Variants in SORCS2 observed in about 807,000 individuals in gnomAD.
The protein encoded by SORCS2 is sortilin related VPS10 domain containing receptor 2, also known as VPS10 domain-containing receptor SorCS2.
A neutral mutation model predicts 141.6 loss-of-function variants in SORCS2; 100 were observed. The ratio of observed to expected loss-of-function variants is 0.71; its 90% CI spans 0.60 to 0.83. The LOEUF (loss-of-function observed/expected upper bound fraction) is 0.83. Ranked by LOEUF, SORCS2 falls within the 40% of genes least tolerant of loss-of-function variation. The pLI, the probability that SORCS2 is intolerant of heterozygous loss-of-function variation, is 0.00. For missense variants in SORCS2, 1,646 were observed against 1,560.2 expected, an observed-to-expected ratio of 1.05 and a Z score of -0.93; for synonymous variants, 789 against 676.9, an observed-to-expected ratio of 1.17 and a Z score of -2.57.
intron 4 of SORCS2, among the ~76,000 whole-genome samples, chr4:7,640,922 G>C (rs1301458513): frequency 6.6e-6 from 1 of 152,108 alleles, no homozygotes; most frequent in East Asian, 1.9e-4. Flanking sequence ...TCAGAGGCTA[G>C]AGGAAAGAGG....
intron 1 of SORCS2, among the ~76,000 whole-genome samples, chr4:7,334,517 G>A (rs933321890): frequency 6.6e-6 from 1 of 152,188 alleles, no homozygotes; most frequent in Non-Finnish European, 1.5e-5. Flanking sequence ...ACACCTGGGG[G>A]GTGCTCAGTG....
chr4:7,707,181 G>A (rs572356759), intron 14 of SORCS2, among the ~76,000 whole-genome samples: 100 of 152,288 alleles, frequency 6.6e-4, no homozygotes, highest in Middle Eastern at 3.4e-3. Flanking sequence ...TCCAATGCAC[G>A]TTTATTGAGC....
chr4:7,345,742 C>A (rs1720616229), intron 1 of SORCS2, among the ~76,000 whole-genome samples: 1 of 152,228 alleles, frequency 6.6e-6, no homozygotes, highest in Non-Finnish European at 1.5e-5. Context: ...ATCAGCGAAG[C>A]TCAAAAGATC....
chr4:7,496,896 G>T (rs146418780), intron 2 of SORCS2, among the ~76,000 whole-genome samples: 2 of 152,192 alleles, frequency 1.3e-5, no homozygotes, highest in Non-Finnish European at 2.9e-5. Flanking sequence ...TTCTCCAGGC[G>T]AGGCCAGGTG....
chr4:7,256,017 G>C (rs1713850134), intron 1 of SORCS2, among the ~76,000 whole-genome samples: 1 of 152,054 alleles, frequency 6.6e-6, no homozygotes, highest in African/African-American at 2.4e-5. Flanking sequence ...TGGAGTGTGG[G>C]GTCCTAGGTC....
chr4:7,501,034 G>A (rs1430896979), intron 2 of SORCS2, among the ~76,000 whole-genome samples: 6 of 152,286 alleles, frequency 3.9e-5, no homozygotes, highest in Admixed American at 6.5e-5. Context: ...GTAGCATCTC[G>A]CACAGGTGAT....
At chr4:7,575,897 T>A (rs1202519280) in intron 3 of SORCS2, among the ~76,000 whole-genome samples, 1 of 152,240 alleles carries the variant, frequency 6.6e-6, no homozygotes, top group Non-Finnish European at 1.5e-5. Context: ...AATTATCTGT[T>A]GTTTCTGTTT....
At chr4:7,726,043 C>A (rs1023783519) in intron 20 of SORCS2, among the ~76,000 whole-genome samples, 3 of 152,272 alleles carry the variant, frequency 2.0e-5, no homozygotes, top group Non-Finnish European at 4.4e-5. Flanking sequence ...TCCACATCCA[C>A]ACCCATGGGG....
intron 2 of SORCS2, among the ~76,000 whole-genome samples, chr4:7,426,691 A>G (rs1194526624): frequency 2.0e-5 from 3 of 152,112 alleles, no homozygotes; most frequent in African/African-American, 7.2e-5. Flanking sequence ...TCCCTGGACA[A>G]ACCCCACAAG....
rs568388227 is a variant in SORCS2 at position 7,394,413 on chromosome 4, G to C, written c.481-1875G>C. Among the ~76,000 whole-genome samples the C allele has an allele frequency of 1.1e-3, 159 of 149,888 alleles. 1 individual carries two copies. Among genetic ancestry groups the C allele is most frequent in the African/African-American group, 3.7e-3 (152 of 40,720 alleles). On this transcript the variant is annotated intron_variant, in intron 1 of 26. Coordinates refer to ENST00000507866, the MANE Select transcript of SORCS2 (RefSeq NM_020777.3). ...GGAGGTCCGGCAGGGTTGGAGGGGG[G>C]GTGTATGGAGGGGGCATTGAGCCCA...
intron 6 of SORCS2, among the ~76,000 whole-genome samples, chr4:7,662,220 A>ACCCCAC (rs1722220671): frequency 1.2e-5 from 1 of 82,144 alleles, no homozygotes; most frequent in Non-Finnish European, 2.6e-5. Context: ...GTGGCTCCCC[A>ACCCCAC]CCCTCCCCCC....
intron 1 of SORCS2, among the ~76,000 whole-genome samples, chr4:7,381,713 G>T (rs1334435885): frequency 2.6e-5 from 4 of 152,212 alleles, no homozygotes; most frequent in Non-Finnish European, 5.9e-5. Flanking sequence ...ATGTCCTCTG[G>T]AAGGGACAGG....
At chr4:7,478,585 C>G (rs1730442134) in intron 2 of SORCS2, among the ~76,000 whole-genome samples, 1 of 152,190 alleles carries the variant, frequency 6.6e-6, no homozygotes, top group Non-Finnish European at 1.5e-5. Context: ...CGCCTGGCAG[C>G]CCCCACTGCC....
chr4:7,297,085 C>G (rs1717121788), intron 1 of SORCS2, among the ~76,000 whole-genome samples: 1 of 138,006 alleles, frequency 7.2e-6, no homozygotes, highest in South Asian at 2.3e-4. Context: ...CTCAGAGTGC[C>G]TGGGGGGGTC....
At chr4:7,270,309 C>G (rs934394460) in intron 1 of SORCS2, among the ~76,000 whole-genome samples, 1 of 152,280 alleles carries the variant, frequency 6.6e-6, no homozygotes, top group African/African-American at 2.4e-5. Flanking sequence ...CAGTGTGCTG[C>G]GTTCCAGAAA....
At chr4:7,602,482 G>A (rs1372884879) in intron 3 of SORCS2, among the ~76,000 whole-genome samples, 1 of 151,342 alleles carries the variant, frequency 6.6e-6, no homozygotes, top group Admixed American at 6.6e-5. Context: ...CAGACGGGGC[G>A]GCGGGGCAGA....
chr4:7,511,599 G>T, intron 2 of SORCS2, among the ~76,000 whole-genome samples: 1 of 152,264 alleles, frequency 6.6e-6, no homozygotes, highest in Middle Eastern at 3.4e-3. Flanking sequence ...AGAGATGGAC[G>T]CTGGGTGCGT....
chr4:7,335,917 G>A (rs1156276379), intron 1 of SORCS2, among the ~76,000 whole-genome samples: 1 of 152,234 alleles, frequency 6.6e-6, no homozygotes, highest in Non-Finnish European at 1.5e-5. Context: ...GACCTGAGCT[G>A]CCAGGGTTAG....
chr4:7,375,021 A>G (rs1722549253), intron 1 of SORCS2, among the ~76,000 whole-genome samples: 1 of 152,168 alleles, frequency 6.6e-6, no homozygotes. Context: ...AAATCCACTG[A>G]TCACTGGGGT....
Sources: allele counts gnomAD v4.1 joint callset (sites outside exome capture counted in the v4.1 genomes callset), GRCh38; gene constraint gnomAD v4.1.1; transcripts MANE v1.5; gene names NCBI Gene and HGNC (gene_info 2026-07-23, HGNC 2026-07-21).